Variants in GLIS3 observed in about 807,000 individuals in gnomAD.
The protein encoded by GLIS3 is GLIS family zinc finger 3, also known as zinc finger protein GLIS3.
In GLIS3, 53 loss-of-function variants were observed where a neutral mutation model predicts 78.6. That is an observed-to-expected ratio of 0.67 (90% CI 0.54 to 0.85). The LOEUF is 0.85. Ranked by LOEUF, GLIS3 falls within the 40% of genes least tolerant of loss-of-function variation. The probability of loss-of-function intolerance (pLI) is 0.00; values close to 1 mark genes in which losing one functional copy is unlikely to be tolerated. For missense variants in GLIS3, 1,703 were observed against 1,231.1 expected (o/e 1.38, Z -5.74); for synonymous variants, 684 against 509.9 (o/e 1.34, Z -4.60).
chr9:4,096,270 G>A (rs556295598), intron 4 of GLIS3, among the ~76,000 whole-genome samples: 2 of 152,258 alleles, frequency 1.3e-5, no homozygotes, highest in South Asian at 4.1e-4. Context: ...TTAGACTAAG[G>A]TAAATTTGGG....
chr9:4,434,647 G>A, the GLIS3 span, among the ~76,000 whole-genome samples: 1 of 152,158 alleles, frequency 6.6e-6, no homozygotes, highest in African/African-American at 2.4e-5. Flanking sequence ...TTCTCTAGAG[G>A]TGTGTATTTT....
chr9:3,847,258 G>T (rs1819114203), intron 9 of GLIS3, among the ~76,000 whole-genome samples: 1 of 152,108 alleles, frequency 6.6e-6, no homozygotes. Flanking sequence ...CAGGCAGGAA[G>T]TGCCCAGAGA....
chr9:3,902,373 G>T (rs1823370363), intron 6 of GLIS3, among the ~76,000 whole-genome samples: 1 of 152,228 alleles, frequency 6.6e-6, no homozygotes, highest in Admixed American at 6.5e-5. Context: ...TCTAGTACAG[G>T]AATGATCTAA....
chr9:4,233,772 C>G (rs1470507834), intron 2 of GLIS3, among the ~76,000 whole-genome samples: 2 of 152,186 alleles, frequency 1.3e-5, no homozygotes, highest in Non-Finnish European at 2.9e-5. Flanking sequence ...TATGAAAGTC[C>G]TAGATGGCAT....
At chr9:4,195,619 A>C (rs1202015482) in intron 2 of GLIS3, among the ~76,000 whole-genome samples, 2 of 152,212 alleles carry the variant, frequency 1.3e-5, no homozygotes, top group Admixed American at 1.3e-4. Context: ...CCAGATGGGC[A>C]CGCCCCCTGT....
At chr9:4,201,869 CT>C (rs1482427306) in intron 2 of GLIS3, among the ~76,000 whole-genome samples, 20 of 152,278 alleles carry the variant, frequency 1.3e-4, no homozygotes, top group African/African-American at 4.8e-4. Context: ...GGCATGGTAG[CT>C]CATGCCTGTA....
intron 2 of GLIS3, among the ~76,000 whole-genome samples, chr9:4,273,027 G>C (rs779110414): frequency 6.6e-6 from 1 of 152,140 alleles, no homozygotes; most frequent in Non-Finnish European, 1.5e-5. Flanking sequence ...GTTTACATTT[G>C]TTCTCTTAGT....
chr9:3,984,124 G>T (rs537458830), intron 4 of GLIS3, among the ~76,000 whole-genome samples: 1 of 152,264 alleles, frequency 6.6e-6, no homozygotes, highest in Non-Finnish European at 1.5e-5. Flanking sequence ...AGAAGGGAAA[G>T]GTGATGTTGG....
In GLIS3 at chr9:4,331,603, G is replaced by C. The variant is rs991791800; in HGVS notation, n.264+15478C>G. ...AGCTGCAGGGAAATCTATGGAGCCT[G>C]TACTTGAGCGACAGCGGTCAGTGGT... On this transcript the variant is annotated intron_variant and non_coding_transcript_variant, in intron 2 of 4. Transcript: ENST00000471664. Among the ~76,000 whole-genome samples, 9 of 152,194 alleles carry C rather than the reference G, an allele frequency of 5.9e-5. 1 individual carries two copies. The highest frequency in any genetic ancestry group is 1.9e-4 in the African/African-American group (8 of 41,442).
At chr9:4,467,144 T>A in the GLIS3 span, among the ~76,000 whole-genome samples, 54 of 152,296 alleles carry the variant, frequency 3.5e-4, no homozygotes, top group African/African-American at 1.1e-3. Flanking sequence ...AAGCTCAAAA[T>A]GGGTGGAGCC....
intron 6 of GLIS3, among the ~76,000 whole-genome samples, chr9:3,902,772 T>G (rs1361247466): frequency 6.6e-6 from 1 of 152,222 alleles, no homozygotes; most frequent in Non-Finnish European, 1.5e-5. Context: ...TAGTTTTCTG[T>G]TTATGGAAAG....
At chr9:4,304,314 A>G (rs1335541215), upstream of GLIS3, among the ~76,000 whole-genome samples, 1 of 152,208 alleles carries the variant, frequency 6.6e-6, no homozygotes. Flanking sequence ...GGCAGGAATA[A>G]TTTCCTACAA....
intron 4 of GLIS3, among the ~76,000 whole-genome samples, chr9:4,116,018 G>T (rs1222985214): frequency 6.6e-6 from 1 of 152,128 alleles, no homozygotes; most frequent in Non-Finnish European, 1.5e-5. Flanking sequence ...TTATATTTTT[G>T]ATATTTATCG....
At chr9:3,882,806 C>G (rs1821823230) in intron 7 of GLIS3, among the ~76,000 whole-genome samples, 1 of 152,194 alleles carries the variant, frequency 6.6e-6, no homozygotes, top group Non-Finnish European at 1.5e-5. Context: ...TACTTCTTAT[C>G]TAGGGTGGAG....
In GLIS3 at chr9:4,118,075, A is replaced by C; in HGVS notation, c.1403T>G (p.Leu468Arg). 1 of 1,371,774 alleles carries C rather than the reference A, an allele frequency of 7.3e-7. No individual in the cohort carries two copies. The highest frequency in any genetic ancestry group is 2.0e-4 in the Middle Eastern group (1 of 5,040). The allele number at this position is 1,371,774 out of a possible 1,614,324, so 85.0% of individuals were successfully genotyped here. The change falls in exon 4 of 11, where the codon CTT becomes CGT. Residue 468 changes from leucine (L) to arginine (R), a missense_variant. Coordinates refer to ENST00000381971, the MANE Select transcript of GLIS3 (RefSeq NM_001042413.2). This position sits in a 1 kb window ranked among gnomAD's most constrained non-coding sequence, Gnocchi z 4.7. ...GTGGGGCCCGAGCTCCGGGTGGTGA[A>C]GGTGCGCATGGGCATGGTAAGGGGG... ...PPPPYHAHAH[L>R]HHPELGPHAQ...
At chr9:4,327,686 G>C (rs1817621552) in intron 2 of GLIS3, among the ~76,000 whole-genome samples, 1 of 152,204 alleles carries the variant, frequency 6.6e-6, no homozygotes, top group South Asian at 2.1e-4. Flanking sequence ...ACAACTCCAG[G>C]GGGCGCCATC....
In GLIS3 at chr9:4,054,448, A is replaced by G. The variant is rs1207683339; in HGVS notation, c.1710+63320T>C. ...CAAACACTTTGGCGAGAGTCACAGG[A>G]GGATGTGCTCTGGAGTGAATTCTTC... On this transcript the variant is annotated intron_variant, in intron 4 of 10. Transcript: ENST00000381971. The G allele has an allele frequency of 1.6e-5, 16 of 985,410 alleles. No individual in the cohort carries two copies. The South Asian group carries it at 4.7e-4, about 29-fold the overall frequency. The allele number at this position is 985,410 out of a possible 1,614,324, so 61.0% of individuals were successfully genotyped here.
At chr9:4,216,886 T>C (rs1820902530) in intron 2 of GLIS3, among the ~76,000 whole-genome samples, 1 of 152,202 alleles carries the variant, frequency 6.6e-6, no homozygotes, top group Non-Finnish European at 1.5e-5. Context: ...AAACCCCTCC[T>C]CTCTTGAATA....
At chr9:4,241,604 A>G (rs1823319473) in intron 2 of GLIS3, among the ~76,000 whole-genome samples, 1 of 152,212 alleles carries the variant, frequency 6.6e-6, no homozygotes, top group African/African-American at 2.4e-5. Flanking sequence ...TACAGCTATT[A>G]TCAATTTTTA....
Sources: allele counts gnomAD v4.1 joint callset (sites outside exome capture counted in the v4.1 genomes callset), GRCh38; gene constraint gnomAD v4.1.1; non-coding constraint Gnocchi (gnomAD v3.1); transcripts MANE v1.5; gene names NCBI Gene and HGNC (gene_info 2026-07-23, HGNC 2026-07-21).